MTRF1: variants seen among roughly 807,000 people sequenced by gnomAD.
MTRF1 encodes the protein peptide chain release factor 1, mitochondrial.
In MTRF1, 51 loss-of-function variants were observed where a neutral mutation model predicts 62.9. The observed-to-expected ratio is 0.81, with a 90% CI of 0.65 to 1.02. The LOEUF (loss-of-function observed/expected upper bound fraction) is 1.02, where lower values mean the gene tolerates loss of function less well. Ranked by LOEUF, MTRF1 falls within the 50% of genes least tolerant of loss-of-function variation. The pLI, the probability that MTRF1 is intolerant of heterozygous loss-of-function variation, is 0.00. For missense variants in MTRF1, 446 were observed against 530.0 expected (o/e 0.84, Z 1.56); for synonymous variants, 158 against 181.9 (o/e 0.87, Z 1.06).
chr13:41,223,194 T>C (rs2033754917), intron 9 of MTRF1, 62 bp downstream of exon 9: 1 of 1,190,914 alleles, frequency 8.4e-7, no homozygotes, highest in Non-Finnish European at 1.2e-6. Context: ...ATATATGTTC[T>C]AGAATTTGAC....
At position 41,217,619 on chromosome 13, in the gene MTRF1, C is replaced by A. The variant is rs77436655; in HGVS notation, c.1225-391G>T. ...TTTGCTGGATTTTCTCTTATTGTACCCTAAAAAAAAAATGCTTTTATTCTT... is the reference window on the plus strand; with the variant it reads ...TTTGCTGGATTTTCTCTTATTGTACACTAAAAAAAAAATGCTTTTATTCTT... On this transcript the variant is annotated intron_variant, in intron 9 of 9. Transcript: ENST00000379480. Among the ~76,000 whole-genome samples, 22 of 151,746 alleles carry A rather than the reference C, an allele frequency of 1.4e-4. No homozygotes were observed. In the East Asian group the frequency reaches 4.1e-3, roughly 28 times the overall value.
intron 5 of MTRF1, 22 bp downstream of exon 5, chr13:41,252,623 G>T: frequency 6.4e-7 from 1 of 1,562,944 alleles, no homozygotes; most frequent in Non-Finnish European, 8.8e-7. Context: ...TCTCCTACAG[G>T]CAAATTCCTC....
At chr13:41,220,051 G>T (rs567539647) in intron 9 of MTRF1, among the ~76,000 whole-genome samples, 2 of 150,480 alleles carry the variant, frequency 1.3e-5, no homozygotes, top group Non-Finnish European at 3.0e-5. Flanking sequence ...AAACTGCTGG[G>T]GGCGCGGTGG....
At chr13:41,264,268 A>G (rs73473189), upstream of MTRF1, among the ~76,000 whole-genome samples, 4,761 of 150,772 alleles carry the variant, frequency 0.032, 243 homozygotes, top group African/African-American at 0.11. Flanking sequence ...GTATTTCCAC[A>G]TGTTAGTGAT....
chr13:41,249,916 T>G (rs2038849225), intron 5 of MTRF1, among the ~76,000 whole-genome samples: 1 of 152,042 alleles, frequency 6.6e-6, no homozygotes. Flanking sequence ...ACCCAGCCCT[T>G]AGTCTTTAAC....
the MTRF1 span, chr13:41,311,733 C>G: frequency 5.6e-6 from 4 of 711,118 alleles, no homozygotes; most frequent in African/African-American, 5.7e-5. Flanking sequence ...ACCCCACTTT[C>G]CCGCTCCGGC....
the MTRF1 span, among the ~76,000 whole-genome samples, chr13:41,294,647 A>G: frequency 6.6e-6 from 1 of 152,110 alleles, no homozygotes; most frequent in Non-Finnish European, 1.5e-5. Flanking sequence ...ATGAGAAAAA[A>G]CTTTATATGG....
At chr13:41,248,512 C>A (rs2038590788) in intron 5 of MTRF1, among the ~76,000 whole-genome samples, 1 of 152,204 alleles carries the variant, frequency 6.6e-6, no homozygotes, top group South Asian at 2.1e-4. Context: ...GCCCCTGCCA[C>A]CCTGGGATCG....
the MTRF1 span, among the ~76,000 whole-genome samples, chr13:41,305,687 C>T: frequency 3.0e-4 from 45 of 152,214 alleles, no homozygotes; most frequent in Non-Finnish European, 4.7e-4. Flanking sequence ...AATATGCCAT[C>T]CCACGACATG....
At chr13:41,224,804 T>C (rs1184982149) in intron 8 of MTRF1, among the ~76,000 whole-genome samples, 1 of 152,196 alleles carries the variant, frequency 6.6e-6, no homozygotes, top group African/African-American at 2.4e-5. Flanking sequence ...ACATTTCAGG[T>C]AGGTGGATAA....
the MTRF1 span, among the ~76,000 whole-genome samples, chr13:41,274,129 A>G: frequency 6.6e-6 from 1 of 152,186 alleles, no homozygotes; most frequent in Non-Finnish European, 1.5e-5. Context: ...TGGGGGCCCC[A>G]AGATTTATTT....
intron 8 of MTRF1, among the ~76,000 whole-genome samples, chr13:41,224,133 G>A (rs2033932310): frequency 6.6e-6 from 1 of 152,152 alleles, no homozygotes; most frequent in South Asian, 2.1e-4. Context: ...TTATGTGTGT[G>A]TCGGTTATCT....
At chr13:41,227,158 G>A (rs60046331) in intron 7 of MTRF1, among the ~76,000 whole-genome samples, 3,790 of 152,126 alleles carry the variant, frequency 0.025, 178 homozygotes, top group African/African-American at 0.086. Flanking sequence ...GTGGTGGCAT[G>A]TGCCTGTAGT....
chr13:41,260,690 T>C lies in MTRF1; in HGVS notation c.218A>G (p.Lys73Arg), dbSNP rs1263038751. 3.7e-6 allele frequency: 6 copies of C among 1,614,176 alleles called. No individual in the cohort carries two copies. The highest frequency in any genetic ancestry group is 2.5e-6 in the Non-Finnish European group (3 of 1,179,998). The change falls in exon 2 of 10, where the codon AAA becomes AGA. Residue 73 changes from lysine to arginine, a missense_variant. Lys to Arg is a conservative substitution (Grantham distance 26, BLOSUM62 2). Coordinates refer to ENST00000379480, the MANE Select transcript of MTRF1 (RefSeq NM_004294.4). Reference sequence around the variant, plus strand: ...GTTCTCCATATATTTCTGTAGTGCTTTATGCTTCCAGAGCATCTTGGTGTC... The same window carrying C: ...GTTCTCCATATATTTCTGTAGTGCTCTATGCTTCCAGAGCATCTTGGTGTC... ...HQDTKMLWKH[K>R]ALQKYMENLS...
chr13:41,257,871 AG>A, intron 2 of MTRF1: 1 of 360,158 alleles, frequency 2.8e-6, no homozygotes, highest in South Asian at 2.0e-5. Context: ...CATTCAAATG[AG>A]ATAATATTTG....
intron 2 of MTRF1, among the ~76,000 whole-genome samples, chr13:41,259,478 T>G (rs2040138436): frequency 6.6e-6 from 1 of 152,058 alleles, no homozygotes; most frequent in African/African-American, 2.4e-5. Flanking sequence ...GGTGGGTGGA[T>G]CACTTGAGAT....
intron 6 of MTRF1, chr13:41,236,699 CCA>C: frequency 6.6e-6 from 1 of 152,090 alleles, no homozygotes; most frequent in Non-Finnish European, 1.5e-5. Flanking sequence ...GAGTGACTTA[CCA>C]TTTCATGTGG....
the MTRF1 span, among the ~76,000 whole-genome samples, chr13:41,279,880 T>A: frequency 6.6e-6 from 1 of 152,168 alleles, no homozygotes; most frequent in South Asian, 2.1e-4. Context: ...CTGCTCTCTC[T>A]CTGAGGACTG....
At chr13:41,290,255 C>T in the MTRF1 span, among the ~76,000 whole-genome samples, 8 of 149,372 alleles carry the variant, frequency 5.4e-5, no homozygotes, top group Non-Finnish European at 5.9e-5. Context: ...GCACCACCTA[C>T]GTCCGGCTAA....
Sources: allele counts gnomAD v4.1 joint callset (sites outside exome capture counted in the v4.1 genomes callset), GRCh38; gene constraint gnomAD v4.1.1; transcripts MANE v1.5; gene names NCBI Gene and HGNC (gene_info 2026-07-23, HGNC 2026-07-21).